The following PPP6R3 variants were observed in gnomAD, a reference collection of about 807,000 sequenced individuals.
PPP6R3 encodes protein phosphatase 6 regulatory subunit 3, also known as serine/threonine-protein phosphatase 6 regulatory subunit 3.
Under a neutral mutation model 110.7 loss-of-function variants are expected in PPP6R3, and 38 were observed. The observed-to-expected ratio is 0.34, with a 90% CI of 0.26 to 0.45. PPP6R3 has a LOEUF of 0.45. PPP6R3 is among the 20% of genes least tolerant of loss of function. PPP6R3 has a pLI of 1.00. For synonymous variants in PPP6R3, 369 were observed against 373.5 expected (o/e 0.99, Z 0.14); for missense variants, 870 against 1,062.4 (o/e 0.82, Z 2.52).
intron 14 of PPP6R3, among the ~76,000 whole-genome samples, chr11:68,579,691 A>G (rs1356152768): frequency 3.3e-5 from 5 of 152,238 alleles, no homozygotes; most frequent in Non-Finnish European, 7.3e-5. Context: ...TGCACTGCAT[A>G]ATGTTTCGGT....
chr11:68,536,180 A>G (rs571899144), intron 2 of PPP6R3, among the ~76,000 whole-genome samples: 1 of 152,120 alleles, frequency 6.6e-6, no homozygotes, highest in African/African-American at 2.4e-5. Context: ...TCTCTATTTA[A>G]AAAACATTTT....
At chr11:68,593,199 G>A (rs186634728) in intron 18 of PPP6R3, among the ~76,000 whole-genome samples, 26 of 80,674 alleles carry the variant, frequency 3.2e-4, no homozygotes, top group African/African-American at 9.7e-4. Flanking sequence ...TTCCTGTCCC[G>A]TCCCCCACAA....
intron 1 of PPP6R3, among the ~76,000 whole-genome samples, chr11:68,501,916 A>G: frequency 6.6e-6 from 1 of 152,224 alleles, no homozygotes; most frequent in East Asian, 1.9e-4. Context: ...TGCAAACTTA[A>G]GCAAAATGAC....
chr11:68,591,457 T>A lies in PPP6R3; in HGVS notation c.1786-119T>A, dbSNP rs893901300. 11 of 878,938 alleles carry A rather than the reference T, an allele frequency of 1.3e-5. No homozygotes were observed. In the African/African-American group the frequency reaches 1.9e-4, roughly 15 times the overall value. The allele number at this position is 878,938 out of a possible 1,614,324, so 54.4% of individuals were successfully genotyped here. On this transcript the variant is annotated intron_variant, in intron 17 of 23. Coordinates refer to ENST00000393800, the MANE Select transcript of PPP6R3 (RefSeq NM_001164161.2). ...GGTGTTTATATTTTATTTTGGTGTATGTGATAGGCACCATATTGTAAAGCA... is the reference window on the plus strand; with the variant it reads ...GGTGTTTATATTTTATTTTGGTGTAAGTGATAGGCACCATATTGTAAAGCA...
At chr11:68,590,054 C>T (rs2099590483) in intron 16 of PPP6R3, among the ~76,000 whole-genome samples, 1 of 152,198 alleles carries the variant, frequency 6.6e-6, no homozygotes, top group African/African-American at 2.4e-5. Context: ...TAGTTAGGAT[C>T]TGTAATCTCT....
chr11:68,498,405 T>C (rs1165359352), intron 1 of PPP6R3, among the ~76,000 whole-genome samples: 1 of 152,292 alleles, frequency 6.6e-6, no homozygotes, highest in East Asian at 1.9e-4. Context: ...AAAAACTCTA[T>C]TGAATCACAA....
chr11:68,523,339 C>T (rs944682993), intron 2 of PPP6R3, among the ~76,000 whole-genome samples: 3 of 152,076 alleles, frequency 2.0e-5, no homozygotes, highest in Non-Finnish European at 2.9e-5. Context: ...TTCTGGGAGT[C>T]GTCTATCTCT....
intron 17 of PPP6R3, 141 bp downstream of exon 17, chr11:68,590,855 C>T (rs2099592975): frequency 9.8e-7 from 1 of 1,020,322 alleles, no homozygotes; most frequent in South Asian, 3.5e-5. Context: ...CACTCTGTCC[C>T]ACGGCCTACC....
chr11:68,553,493 A>G (rs1489669130), intron 6 of PPP6R3, among the ~76,000 whole-genome samples: 1 of 151,984 alleles, frequency 6.6e-6, no homozygotes, highest in Non-Finnish European at 1.5e-5. Context: ...GGGTTTCTCC[A>G]TGTTGGTCAC....
chr11:68,544,803 A>G (rs1397775413), intron 3 of PPP6R3, 35 bp from the exon 4 acceptor site: 5 of 1,430,876 alleles, frequency 3.5e-6, no homozygotes, highest in South Asian at 2.5e-5. Context: ...TAAACTGTTA[A>G]TAAAGATGAT....
At chr11:68,550,232 C>G (rs994644718) in intron 5 of PPP6R3, among the ~76,000 whole-genome samples, 1 of 152,130 alleles carries the variant, frequency 6.6e-6, no homozygotes, top group African/African-American at 2.4e-5. Flanking sequence ...TGGTGCCTAC[C>G]TAATAGCTTC....
intron 3 of PPP6R3, among the ~76,000 whole-genome samples, chr11:68,540,771 G>C (rs561427786): frequency 6.6e-6 from 1 of 152,160 alleles, no homozygotes. Context: ...AGAATTGAGC[G>C]ATATTTCTCC....
chr11:68,586,255 T>C (rs1421583919), intron 15 of PPP6R3: 1 of 152,200 alleles, frequency 6.6e-6, no homozygotes, highest in Non-Finnish European at 1.5e-5. Context: ...TTACCAGATC[T>C]TTGAGGTACT....
rs148511327 is a variant in PPP6R3, at chr11:68,547,994, G to A, written c.415-73G>A. 224 of 1,452,842 alleles carry A rather than the reference G, an allele frequency of 1.5e-4. No individual in the cohort carries two copies. The African/African-American group carries it at 2.8e-3, about 18-fold the overall frequency. 90.0% of individuals were successfully genotyped at this position (1,452,842 alleles called of 1,614,324 possible). On this transcript the variant is annotated intron_variant, in intron 4 of 23. Coordinates refer to ENST00000393800, the MANE Select transcript of PPP6R3 (RefSeq NM_001164161.2). The stretch of plus-strand genomic sequence containing the variant: ...AGTGGTAGAATTTGGAGGAGTCGGG[G>A]TTGGGACTTAAAAGGTAAAGTTTAT...
At chr11:68,482,525 C>G (rs1364675334) in intron 1 of PPP6R3, among the ~76,000 whole-genome samples, 1 of 151,824 alleles carries the variant, frequency 6.6e-6, no homozygotes. Flanking sequence ...TAAACTTACA[C>G]AGAATAAGTG....
chr11:68,519,482 T>C lies in PPP6R3; in HGVS notation c.-157-19T>C, dbSNP rs17529519. 6.9e-4 allele frequency: 234 copies of C among 337,440 alleles called. No individual in the cohort carries two copies. The highest frequency in any genetic ancestry group is 2.5e-3 in the South Asian group (17 of 6,870). 20.9% of individuals were successfully genotyped at this position (337,440 alleles called of 1,614,324 possible). A position where few individuals can be genotyped will look rare whatever the true frequency, so the allele number is the denominator to read the frequency against. ...AAAGAGAACATATGTGATTATCTGC[T>C]TTTTTTTTTCTTTTACAGGAGAGCT... is the stretch of plus-strand genomic sequence containing the variant. On this transcript the variant is annotated intron_variant, in intron 1 of 23. Coordinates refer to ENST00000393800, the MANE Select transcript of PPP6R3 (RefSeq NM_001164161.2).
At chr11:68,482,622 T>G (rs2098922301) in intron 1 of PPP6R3, among the ~76,000 whole-genome samples, 1 of 152,122 alleles carries the variant, frequency 6.6e-6, no homozygotes, top group South Asian at 2.1e-4. Context: ...TTGTAAACTT[T>G]TTTATTCAAC....
At chr11:68,526,679 C>T (rs943391976) in intron 2 of PPP6R3, among the ~76,000 whole-genome samples, 1 of 152,162 alleles carries the variant, frequency 6.6e-6, no homozygotes, top group South Asian at 2.1e-4. Flanking sequence ...AGACAACTGG[C>T]AAAAACTCGA....
chr11:68,577,787 C>A (rs2099537636), intron 14 of PPP6R3, among the ~76,000 whole-genome samples: 1 of 152,164 alleles, frequency 6.6e-6, no homozygotes, highest in Non-Finnish European at 1.5e-5. Flanking sequence ...ATTTTGGGCT[C>A]CATCTGTCAC....
Sources: allele counts gnomAD v4.1 joint callset (sites outside exome capture counted in the v4.1 genomes callset), GRCh38; gene constraint gnomAD v4.1.1; transcripts MANE v1.5; gene names NCBI Gene and HGNC (gene_info 2026-07-23, HGNC 2026-07-21).